Variants in SV2B observed in about 807,000 individuals in gnomAD.
SV2B encodes solute carrier family 22 member B2.
Under a neutral mutation model 73.9 loss-of-function variants are expected in SV2B, and 41 were observed. The observed-to-expected ratio is 0.56, with a 90% CI of 0.43 to 0.72. The LOEUF is 0.72. Ranked by LOEUF, SV2B falls within the 30% of genes least tolerant of loss-of-function variation. The pLI is 0.00. For synonymous variants in SV2B, 314 were observed against 314.2 expected, an observed-to-expected ratio of 1.00 and a Z score of 0.01; for missense variants, 764 against 857.8, an observed-to-expected ratio of 0.89 and a Z score of 1.37.
chr15:91,198,944 C>T (rs16945332), intron 1 of SV2B, among the ~76,000 whole-genome samples: 12,603 of 152,108 alleles, frequency 0.083, 807 homozygotes, highest in African/African-American at 0.17. Flanking sequence ...ATTTGAAATT[C>T]GAAACAGCAT....
At chr15:91,192,015 G>C (rs1229201867) in intron 1 of SV2B, among the ~76,000 whole-genome samples, 1 of 151,954 alleles carries the variant, frequency 6.6e-6, no homozygotes, top group African/African-American at 2.4e-5. Flanking sequence ...TCTTCCACCA[G>C]AGTGAATATA....
intron 1 of SV2B, among the ~76,000 whole-genome samples, chr15:91,173,853 C>A (rs2044210035): frequency 6.6e-6 from 1 of 152,166 alleles, no homozygotes; most frequent in South Asian, 2.1e-4. Context: ...TTGTCATCCT[C>A]TAACGTGCAA....
At chr15:91,166,908 G>T (rs2141266855) in intron 1 of SV2B, among the ~76,000 whole-genome samples, 1 of 151,728 alleles carries the variant, frequency 6.6e-6, no homozygotes, top group African/African-American at 2.4e-5. Context: ...CCGCCTTCTG[G>T]GTTCACGCCA....
chr15:91,160,397 C>T (rs10152960), intron 1 of SV2B, among the ~76,000 whole-genome samples: 3,657 of 152,220 alleles, frequency 0.024, 79 homozygotes, highest in South Asian at 0.055. Flanking sequence ...CACTTGAGGC[C>T]AGGAGTTTGA....
At chr15:91,147,607 A>G (rs1256397044) in intron 1 of SV2B, among the ~76,000 whole-genome samples, 3 of 152,142 alleles carry the variant, frequency 2.0e-5, no homozygotes, top group Non-Finnish European at 4.4e-5. Flanking sequence ...AGAATCTCTC[A>G]TTCCCGAAGG....
Position 91,242,699 on chromosome 15 carries a change from T to C in SV2B, c.452-9120T>C, listed in dbSNP as rs1022945672. Among the ~76,000 whole-genome samples the C allele has an allele frequency of 2.0e-5, 3 of 152,214 alleles. No individual in the cohort carries two copies. The highest frequency in any genetic ancestry group is 2.9e-5 in the Non-Finnish European group (2 of 68,030). On this transcript the variant is annotated intron_variant, in intron 2 of 12. Transcript: ENST00000394232. This position sits in a 1 kb window ranked among gnomAD's most constrained non-coding sequence, Gnocchi z 4.9. The stretch of plus-strand genomic sequence containing the variant: ...CTTGATAAAAGGGTGAATAGCAGAA[T>C]AAGAGTAACCGTCATAGGATGAAGA...
intron 9 of SV2B, among the ~76,000 whole-genome samples, chr15:91,270,331 G>A (rs2048250564): frequency 6.6e-6 from 1 of 152,228 alleles, no homozygotes; most frequent in African/African-American, 2.4e-5. Context: ...TACCTTAAGT[G>A]CCTTACGTAG....
intron 1 of SV2B, among the ~76,000 whole-genome samples, chr15:91,108,261 A>G (rs980992253): frequency 6.6e-6 from 1 of 152,200 alleles, no homozygotes; most frequent in Non-Finnish European, 1.5e-5. Context: ...GTCTAGCCTT[A>G]TGGGCTAGAC....
chr15:91,268,846 G>A lies in SV2B; in HGVS notation c.1373+241G>A, dbSNP rs1042872599. On this transcript the variant is annotated intron_variant, in intron 9 of 12. Transcript: ENST00000394232. The surrounding 1 kb of genome is among the most constrained non-coding windows in gnomAD (Gnocchi z 4.4). ...GGTGAGAGCTATTTCATGTGAGGAT[G>A]GAGACATTTGACTGAGGACGGTCAG... is the stretch of plus-strand genomic sequence containing the variant. Among the ~76,000 whole-genome samples the A allele has an allele frequency of 1.3e-5, 2 of 152,132 alleles. No homozygotes were observed. The highest frequency in any genetic ancestry group is 2.9e-5 in the Non-Finnish European group (2 of 68,020).
rs2042681358 is a variant in SV2B, at chr15:91,132,380, A to G, written c.-392+32017A>G. Among the ~76,000 whole-genome samples the G allele has an allele frequency of 6.6e-6, 1 of 152,230 alleles. No homozygotes were observed. The highest frequency in any genetic ancestry group is 6.5e-5 in the Admixed American group (1 of 15,288). On this transcript the variant is annotated intron_variant, in intron 1 of 12. Coordinates refer to ENST00000394232, the MANE Select transcript of SV2B (RefSeq NM_001323032.3). This position sits in a 1 kb window ranked among gnomAD's most constrained non-coding sequence, Gnocchi z 4.6. The stretch of plus-strand genomic sequence containing the variant: ...GCAAACATTGGTTGCAAAAACAATC[A>G]GGGGTTAGGGTGAAGTAAAGTTATA...
Position 91,289,383 on chromosome 15 carries a change from A to G in SV2B, c.1709-138A>G. 9.4e-7 allele frequency: 1 copy of G among 1,063,162 alleles called. No homozygotes were observed. The highest frequency in any genetic ancestry group is 1.8e-5 in the Admixed American group (1 of 54,556). 65.9% of individuals were successfully genotyped at this position (1,063,162 alleles called of 1,614,324 possible). A position where few individuals can be genotyped will look rare whatever the true frequency, so the allele number is the denominator to read the frequency against. Reference sequence around the variant, plus strand: ...TTCCAGCTGTGCTCTCTCTGTGTGGAGGGTGAACCTAATACTTCAGGCAGC... The same window carrying G: ...TTCCAGCTGTGCTCTCTCTGTGTGGGGGGTGAACCTAATACTTCAGGCAGC... On this transcript the variant is annotated intron_variant, in intron 11 of 12. Coordinates refer to ENST00000394232, the MANE Select transcript of SV2B (RefSeq NM_001323032.3). This position sits in a 1 kb window ranked among gnomAD's most constrained non-coding sequence, Gnocchi z 4.9.
At chr15:91,161,478 T>G (rs2043715817) in intron 1 of SV2B, among the ~76,000 whole-genome samples, 1 of 152,246 alleles carries the variant, frequency 6.6e-6, no homozygotes, top group African/African-American at 2.4e-5. Flanking sequence ...GATTTTAAAA[T>G]GTAACAATGC....
chr15:91,131,384 ATTGGGGGGGG>A (rs904888725), intron 1 of SV2B, among the ~76,000 whole-genome samples: 1 of 150,372 alleles, frequency 6.7e-6, no homozygotes, highest in Non-Finnish European at 1.5e-5. Flanking sequence ...GAACATCTGT[ATTGGGGGGGG>A]TTGGGCAGAT....
intron 2 of SV2B, among the ~76,000 whole-genome samples, chr15:91,233,900 A>G (rs568742847): frequency 3.2e-4 from 48 of 152,302 alleles, no homozygotes; most frequent in Non-Finnish European, 6.0e-4. Flanking sequence ...GTTACACTCC[A>G]AAAGAATGAC....
intron 1 of SV2B, among the ~76,000 whole-genome samples, chr15:91,193,533 C>T (rs1190887759): frequency 5.3e-5 from 8 of 152,186 alleles, no homozygotes; most frequent in Non-Finnish European, 8.8e-5. Flanking sequence ...CAGACCTAAT[C>T]GAGAGGCAGA....
intron 1 of SV2B, among the ~76,000 whole-genome samples, chr15:91,171,191 A>C (rs1189981874): frequency 6.6e-6 from 1 of 152,166 alleles, no homozygotes; most frequent in African/African-American, 2.4e-5. Flanking sequence ...GGGTCCCTGG[A>C]ACTGGGCTCT....
chr15:91,211,529 A>C lies in SV2B; in HGVS notation c.-391-14344A>C, dbSNP rs192600548. ...TTCCTTTTTTTTTTTTTTTTGTTGG[A>C]GTCTCGCTCTGTCGCCCAGGCTGGA... On this transcript the variant is annotated intron_variant, in intron 1 of 12. Transcript: ENST00000394232. Among the ~76,000 whole-genome samples the C allele has an allele frequency of 4.6e-4, 54 of 116,226 alleles. 1 individual carries two copies. Among genetic ancestry groups the C allele is most frequent in the African/African-American group, 1.8e-3 (52 of 29,220 alleles). The allele number at this position is 116,226 out of a possible 152,430, so 76.2% of individuals were successfully genotyped here.
At chr15:91,117,643 G>A (rs1280488304) in intron 1 of SV2B, among the ~76,000 whole-genome samples, 1 of 152,160 alleles carries the variant, frequency 6.6e-6, no homozygotes, top group Non-Finnish European at 1.5e-5. Flanking sequence ...ATGTTAAACT[G>A]TCCTAGTATA....
At chr15:91,162,019 A>G (rs1451124537) in intron 1 of SV2B, among the ~76,000 whole-genome samples, 1 of 152,182 alleles carries the variant, frequency 6.6e-6, no homozygotes, top group Non-Finnish European at 1.5e-5. Flanking sequence ...AAATGCAAAC[A>G]TTTTCTTAGA....
Sources: allele counts gnomAD v4.1 joint callset (sites outside exome capture counted in the v4.1 genomes callset), GRCh38; gene constraint gnomAD v4.1.1; non-coding constraint Gnocchi (gnomAD v3.1); transcripts MANE v1.5; gene names NCBI Gene and HGNC (gene_info 2026-07-23, HGNC 2026-07-21).